The following PCLO variants were observed in gnomAD, a reference collection of about 807,000 sequenced individuals.
The protein encoded by PCLO is protein piccolo.
In PCLO, 82 loss-of-function variants were observed where a neutral mutation model predicts 427.5. The observed-to-expected ratio is 0.19, with a 90% CI of 0.16 to 0.23. The LOEUF (loss-of-function observed/expected upper bound fraction) is 0.23. Among genes scored for constraint, PCLO ranks in the 10% least tolerant of loss-of-function variants. The pLI is 1.00. For missense variants in PCLO, 6,239 were observed against 6,115.9 expected, an observed-to-expected ratio of 1.02 and a Z score of -0.67; for synonymous variants, 2,357 against 2,155.4, an observed-to-expected ratio of 1.09 and a Z score of -2.59.
Position 82,822,428 on chromosome 7 carries a change from A to G in PCLO, c.14791+67T>C, listed in dbSNP as rs553711358. The G allele has an allele frequency of 3.8e-5, 62 of 1,611,498 alleles. No individual in the cohort carries two copies. The Middle Eastern group carries it at 6.2e-4, about 16-fold the overall frequency. Reference sequence around the variant, plus strand: ...AAACTGAAAGCAAACAGGAAAGGACAGCAGGAAAGAAAGGCAACAGATGAA... The same window carrying G: ...AAACTGAAAGCAAACAGGAAAGGACGGCAGGAAAGAAAGGCAACAGATGAA... On this transcript the variant is annotated intron_variant, in intron 20 of 24. Coordinates refer to ENST00000333891, the MANE Select transcript of PCLO (RefSeq NM_033026.6).
chr7:82,811,014 C>A (rs1791557711), intron 20 of PCLO, among the ~76,000 whole-genome samples: 1 of 151,656 alleles, frequency 6.6e-6, no homozygotes, highest in South Asian at 2.1e-4. Context: ...CTATGATGTT[C>A]CATTATTGGT....
chr7:83,059,357 A>AATATACATATATATAT (rs1554388127), intron 3 of PCLO, among the ~76,000 whole-genome samples: 6 of 111,802 alleles, frequency 5.4e-5, no homozygotes, highest in Non-Finnish European at 7.0e-5. Context: ...ACACCTTTAA[A>AATATACATATATATAT]ATATATATAT....
At chr7:82,965,211 A>G (rs1795736742) in intron 4 of PCLO, among the ~76,000 whole-genome samples, 1 of 152,140 alleles carries the variant, frequency 6.6e-6, no homozygotes, top group African/African-American at 2.4e-5. Context: ...ACATTATATT[A>G]AAAATCATGC....
At chr7:82,903,368 T>G (rs1237848995) in intron 8 of PCLO, among the ~76,000 whole-genome samples, 1 of 152,014 alleles carries the variant, frequency 6.6e-6, no homozygotes, top group Non-Finnish European at 1.5e-5. Flanking sequence ...AATTCAAAGC[T>G]TGCATTATTG....
Position 83,155,005 on chromosome 7 carries a change from G to A in PCLO, c.1636C>T (p.Pro546Ser), listed in dbSNP as rs748768272. ...GATTGCTGAGCCGAGGGCTTTGCTG[G>A]GCTAGGCTGTTGAGCTGAGGGTTTT... ...SAKPSAQQPSPAKPSAQQSTK... is the reference protein window; with the variant it reads ...SAKPSAQQPSSAKPSAQQSTK... Residue 546 changes from proline to serine, a missense_variant, in exon 2 of 25, where the codon CCA (proline) becomes TCA (serine). Physicochemically the swap from Pro to Ser is moderately conservative, Grantham distance 74. Transcript: ENST00000333891. 3 of 1,613,990 alleles carry A rather than the reference G, an allele frequency of 1.9e-6. No homozygotes were observed. The South Asian group carries it at 3.3e-5, about 18-fold the overall frequency.
rs28508370 is a variant in PCLO, at chr7:83,154,236, C to T, written c.1893+512G>A. Among the ~76,000 whole-genome samples the T allele has an allele frequency of 5.3e-3, 809 of 152,278 alleles. 3 individuals are homozygous for T. The highest frequency in any genetic ancestry group is 0.018 in the African/African-American group (763 of 41,564). On this transcript the variant is annotated intron_variant, in intron 2 of 24. Coordinates refer to ENST00000333891, the MANE Select transcript of PCLO (RefSeq NM_033026.6). ...AATGATTTAATACTGTTATTAAGGA[C>T]TCTCAACATGCCCTCATTTGATATA... is the stretch of plus-strand genomic sequence containing the variant.
chr7:83,124,339 G>C, intron 3 of PCLO, among the ~76,000 whole-genome samples: 1 of 144,932 alleles, frequency 6.9e-6, no homozygotes, highest in Non-Finnish European at 1.5e-5. Context: ...GGGCGGAAGA[G>C]CGAGACTCCG....
chr7:82,979,333 C>T (rs1297971956), intron 3 of PCLO, among the ~76,000 whole-genome samples: 1 of 152,058 alleles, frequency 6.6e-6, no homozygotes, highest in East Asian at 1.9e-4. Flanking sequence ...AATTTGAAAA[C>T]ATGATTTTTA....
At chr7:83,121,329 T>C (rs760435139) in intron 3 of PCLO, among the ~76,000 whole-genome samples, 3 of 152,076 alleles carry the variant, frequency 2.0e-5, no homozygotes, top group Non-Finnish European at 4.4e-5. Flanking sequence ...TAATCGGTAA[T>C]AGAAGGTTAT....
intron 2 of PCLO, among the ~76,000 whole-genome samples, chr7:83,145,524 C>T (rs1323077523): frequency 1.3e-5 from 2 of 152,020 alleles, no homozygotes; most frequent in South Asian, 2.1e-4. Context: ...TTTGGGTCAG[C>T]GAATCTCACT....
chr7:82,977,564 C>A (rs1161773286), intron 3 of PCLO, among the ~76,000 whole-genome samples: 1 of 151,868 alleles, frequency 6.6e-6, no homozygotes, highest in East Asian at 1.9e-4. Flanking sequence ...AGGTGCCCAC[C>A]ACCACACCCA....
At chr7:82,844,372 A>T (rs1792445716) in intron 13 of PCLO, among the ~76,000 whole-genome samples, 1 of 152,182 alleles carries the variant, frequency 6.6e-6, no homozygotes, top group African/African-American at 2.4e-5. Flanking sequence ...AGTTTCAAAC[A>T]AATCATTTTA....
intron 16 of PCLO, among the ~76,000 whole-genome samples, chr7:82,829,559 C>CAGAA (rs1792039482): frequency 6.6e-6 from 1 of 152,116 alleles, no homozygotes; most frequent in Non-Finnish European, 1.5e-5. Context: ...AATTTGACAG[C>CAGAA]TGTCACTCAA....
At chr7:82,963,689 CATT>C (rs767840732) in intron 4 of PCLO, among the ~76,000 whole-genome samples, 1 of 151,964 alleles carries the variant, frequency 6.6e-6, no homozygotes, top group Non-Finnish European at 1.5e-5. Context: ...TCTAAAATAT[CATT>C]ATTAAACACC....
At chr7:83,127,396 C>T (rs1791463717) in intron 3 of PCLO, among the ~76,000 whole-genome samples, 1 of 151,782 alleles carries the variant, frequency 6.6e-6, no homozygotes, top group Admixed American at 6.6e-5. Flanking sequence ...GTGTATATAA[C>T]CATTATAAAA....
chr7:82,866,432 T>G (rs1436857365), intron 10 of PCLO, among the ~76,000 whole-genome samples: 1 of 152,166 alleles, frequency 6.6e-6, no homozygotes, highest in East Asian at 1.9e-4. Context: ...CTTTCTTCAC[T>G]GAAGCCCTCA....
chr7:83,079,450 A>C (rs1208348268), intron 3 of PCLO, among the ~76,000 whole-genome samples: 2 of 149,496 alleles, frequency 1.3e-5, no homozygotes, highest in African/African-American at 4.8e-5. Flanking sequence ...GGGGAGGAGA[A>C]GGAAGAAGAA....
intron 6 of PCLO, among the ~76,000 whole-genome samples, chr7:82,947,824 A>G (rs891296780): frequency 1.3e-5 from 2 of 152,164 alleles, no homozygotes; most frequent in Admixed American, 6.5e-5. Flanking sequence ...CATTGTATCA[A>G]TTTCCAAGTG....
Position 82,801,560 on chromosome 7 carries a change from C to T in PCLO, c.14965G>A (p.Val4989Ile), listed in dbSNP as rs926295013. The T allele has an allele frequency of 2.0e-5, 32 of 1,597,374 alleles. No individual in the cohort carries two copies. The highest frequency in any genetic ancestry group is 2.6e-5 in the Non-Finnish European group (30 of 1,165,118). ...GKMGQNGQEP[V>I]KQPGVGVGLA... is the part of the protein sequence containing the mutation. The stretch of plus-strand genomic sequence containing the variant: ...CCTACTCCTACCCCTGGCTGTTTTA[C>T]AGGCTCTTGTCCATTCTGTCCCATC... The change falls in exon 22 of 25, where the codon GTA (valine) becomes ATA (isoleucine). Residue 4989 changes from valine to isoleucine, a missense_variant. Val to Ile is a conservative substitution (Grantham distance 29). Coordinates refer to ENST00000333891, the MANE Select transcript of PCLO (RefSeq NM_033026.6).
Sources: gnomAD v4.1 joint callset for allele counts (sites outside exome capture counted in the v4.1 genomes callset) on GRCh38, gnomAD v4.1.1 for gene constraint, MANE v1.5 for transcripts, NCBI Gene and HGNC (gene_info 2026-07-23, HGNC 2026-07-21) for gene names.